Variants in SMS observed in about 807,000 individuals in gnomAD.
The protein encoded by SMS is spermine synthase.
In SMS, 3 loss-of-function variants were observed where a neutral mutation model predicts 33.0. The observed-to-expected ratio is 0.09, with a 90% CI of 0.04 to 0.23. The LOEUF is 0.23. Among genes scored for constraint, SMS ranks in the 10% least tolerant of loss-of-function variants. The probability of loss-of-function intolerance (pLI) is 1.00; values close to 1 mark genes in which losing one functional copy is unlikely to be tolerated. For missense variants in SMS, 117 were observed against 288.6 expected (o/e 0.41, Z 4.31); for synonymous variants, 103 against 112.2 (o/e 0.92, Z 0.52).
chrX:21,980,965 T>C (rs1426240830), intron 7 of SMS, among the ~76,000 whole-genome samples: 3 of 111,960 alleles, frequency 2.7e-5, no homozygotes, highest in Non-Finnish European at 5.6e-5. Context: ...GTATGAATTA[T>C]GTTAAGATGT....
rs777439044 is a variant in SMS, at chrX:21,967,052, T to A, written c.50-144T>A. 492 of 374,563 alleles carry A rather than the reference T, an allele frequency of 1.3e-3. 1 individual carries two copies. The highest frequency in any genetic ancestry group is 1.6e-3 in the Non-Finnish European group (428 of 269,641). The allele number at this position is 374,563 out of a possible 1,213,427, so 30.9% of individuals were successfully genotyped here. On this transcript the variant is annotated intron_variant, in intron 1 of 10. Coordinates refer to ENST00000404933, the MANE Select transcript of SMS (RefSeq NM_004595.5). ...CACTGACAACTTTGTTCAGGTTTTTTAATTTTTATTTATTTATTTATTTAT... is the reference window on the plus strand; with the variant it reads ...CACTGACAACTTTGTTCAGGTTTTTAAATTTTTATTTATTTATTTATTTAT...
intron 1 of SMS, among the ~76,000 whole-genome samples, chrX:21,962,483 T>C (rs1923425304): frequency 1.8e-5 from 2 of 110,577 alleles, no homozygotes; most frequent in African/African-American, 3.3e-5. Context: ...TGGTAGGGGG[T>C]TTCTTTTCCT....
At chrX:21,944,681 C>G (rs1368893543) in intron 1 of SMS, among the ~76,000 whole-genome samples, 1 of 109,408 alleles carries the variant, frequency 9.1e-6, no homozygotes, top group African/African-American at 3.3e-5. Context: ...GAAACTCTCT[C>G]AAAAACAAAA....
At chrX:21,944,506 GA>G (rs1922039620) in intron 1 of SMS, among the ~76,000 whole-genome samples, 1 of 33,440 alleles carries the variant, frequency 3.0e-5, no homozygotes, top group African/African-American at 1.0e-4. Flanking sequence ...GGCAACATGG[GA>G]AAAACCTGTC....
intron 1 of SMS, among the ~76,000 whole-genome samples, chrX:21,958,535 C>T (rs1319016483): frequency 8.9e-6 from 1 of 112,349 alleles, no homozygotes; most frequent in Non-Finnish European, 1.9e-5. Context: ...GGTTGCGTGA[C>T]CATCATGACA....
chrX:21,985,385 G>T (rs1437516230), intron 9 of SMS, among the ~76,000 whole-genome samples, 162 bp downstream of exon 9: 2 of 111,851 alleles, frequency 1.8e-5, no homozygotes, highest in East Asian at 5.6e-4. Flanking sequence ...TTGTCTGTTG[G>T]GAATTAATGA....
intron 2 of SMS, among the ~76,000 whole-genome samples, chrX:21,968,502 G>GA (rs769268730): frequency 9.0e-6 from 1 of 111,709 alleles, no homozygotes; most frequent in Non-Finnish European, 1.9e-5. Flanking sequence ...AAGAGTTCTT[G>GA]AAGCAATAAG....
At chrX:21,960,011 G>A (rs184843918) in intron 1 of SMS, 269 of 553,708 alleles carry the variant, frequency 4.9e-4, no homozygotes, top group Non-Finnish European at 5.6e-4. Context: ...CGGGGAAGGC[G>A]TGAGTGACTG....
chrX:21,959,089 T>A (rs6633495), intron 1 of SMS, among the ~76,000 whole-genome samples: 9,253 of 111,679 alleles, frequency 0.083, 419 homozygotes, highest in Admixed American at 0.24. Flanking sequence ...TTGTGTGTCA[T>A]GAGCTTCATT....
intron 2 of SMS, among the ~76,000 whole-genome samples, chrX:21,970,907 C>G (rs189906783): frequency 9.0e-6 from 1 of 110,622 alleles, no homozygotes; most frequent in Non-Finnish European, 1.9e-5. Flanking sequence ...AAAACAAATA[C>G]ATGCATAGGC....
intron 1 of SMS, chrX:21,960,037 G>A (rs1179884982): frequency 1.3e-5 from 2 of 148,203 alleles, no homozygotes; most frequent in Admixed American, 2.6e-4. Context: ...GTGTACATCC[G>A]TGTGTGTGTG....
chrX:21,942,477 CTG>C (rs1405316504), intron 1 of SMS, among the ~76,000 whole-genome samples: 2 of 111,942 alleles, frequency 1.8e-5, no homozygotes, highest in African/African-American at 3.3e-5. Flanking sequence ...GTGGAGCACA[CTG>C]TAGGGTTTTT....
chrX:21,992,660 T>C lies in SMS; in HGVS notation c.1009T>C (p.Cys337Arg), dbSNP rs375901202. 38 of 1,203,149 alleles carry C rather than the reference T, an allele frequency of 3.2e-5. No homozygotes were observed. The highest frequency in any genetic ancestry group is 4.3e-5 in the Non-Finnish European group (38 of 889,704). ...TGAAGAACAGCTGGGGCGCCTGTAT[T>C]GTCCTGTGGAATTTTCAAAGGAGAT... ...LYEEQLGRLY[C>R]PVEFSKEIVC... The change falls in exon 10 of 11, where the codon TGT becomes CGT. Residue 337 changes from cysteine to arginine, a missense_variant. Cys to Arg is a radical substitution (Grantham distance 180). Transcript: ENST00000404933.
intron 2 of SMS, among the ~76,000 whole-genome samples, chrX:21,968,128 G>A (rs1042341172): frequency 1.3e-4 from 15 of 112,291 alleles, no homozygotes; most frequent in South Asian, 3.6e-4. Flanking sequence ...TGCTCAGCTC[G>A]AAGTAGGGTG....
chrX:21,979,980 TAAAA>T (rs1404473772), intron 7 of SMS, among the ~76,000 whole-genome samples: 1 of 100,059 alleles, frequency 1.0e-5, no homozygotes, highest in Non-Finnish European at 2.0e-5. Flanking sequence ...ATAATAATAA[TAAAA>T]AAGAAACCTT....
At chrX:21,978,257 G>A in intron 6 of SMS, 143 bp downstream of exon 6, 1 of 573,796 alleles carries the variant, frequency 1.7e-6, no homozygotes, top group Admixed American at 2.6e-5. Flanking sequence ...TTTAGTAACA[G>A]TACCCTTTTA....
At chrX:21,975,385 A>G (rs141556377) in intron 4 of SMS, among the ~76,000 whole-genome samples, 260 of 112,281 alleles carry the variant, frequency 2.3e-3, no homozygotes, top group African/African-American at 7.0e-3. Flanking sequence ...CCAAGGCACT[A>G]TTGACACAAT....
At chrX:21,962,729 C>T (rs1236958976) in intron 1 of SMS, among the ~76,000 whole-genome samples, 1 of 111,641 alleles carries the variant, frequency 9.0e-6, no homozygotes, top group Non-Finnish European at 1.9e-5. Flanking sequence ...AATCATGGGT[C>T]ACTGCAGCCT....
intron 10 of SMS, among the ~76,000 whole-genome samples, chrX:21,993,720 CT>C (rs1925906847): frequency 1.8e-5 from 2 of 112,642 alleles, no homozygotes; most frequent in Non-Finnish European, 3.8e-5. Context: ...TCAGCATCTC[CT>C]ACCAACTGTC....
Sources: gnomAD v4.1 joint callset for allele counts (sites outside exome capture counted in the v4.1 genomes callset) on GRCh38, gnomAD v4.1.1 for gene constraint, MANE v1.5 for transcripts, NCBI Gene and HGNC (gene_info 2026-07-23, HGNC 2026-07-21) for gene names.